Variants in KIAA1217 observed in about 807,000 individuals in gnomAD.
The protein encoded by KIAA1217 is sickle tail protein homolog.
KIAA1217 carries 88 observed loss-of-function variants against 163.9 expected under a neutral mutation model. The observed-to-expected ratio is 0.54, with a 90% confidence interval of 0.45 to 0.64. KIAA1217 has a LOEUF of 0.64. Among genes scored for constraint, KIAA1217 ranks in the 30% least tolerant of loss-of-function variants. The pLI is 0.00. For synonymous variants in KIAA1217, 903 were observed against 923.1 expected (o/e 0.98, Z 0.39); for missense variants, 2,372 against 2,475.0 (o/e 0.96, Z 0.88).
intron 2 of KIAA1217, among the ~76,000 whole-genome samples, chr10:24,273,852 CAA>C (rs768025622): frequency 1.0e-4 from 12 of 120,044 alleles, no homozygotes; most frequent in African/African-American, 9.3e-5. Flanking sequence ...GACTCTGTCT[CAA>C]AAAAAAAAAA....
At chr10:24,349,217 T>A (rs2048172470) in intron 2 of KIAA1217, among the ~76,000 whole-genome samples, 1 of 151,708 alleles carries the variant, frequency 6.6e-6, no homozygotes, top group Non-Finnish European at 1.5e-5. Flanking sequence ...AATGGATGCA[T>A]GATGTTAACT....
intron 2 of KIAA1217, among the ~76,000 whole-genome samples, chr10:24,295,733 C>T (rs1180578682): frequency 2.0e-5 from 3 of 152,114 alleles, no homozygotes; most frequent in Non-Finnish European, 4.4e-5. Context: ...GTCCCTCTGC[C>T]GGGCATCCTC....
intron 1 of KIAA1217, among the ~76,000 whole-genome samples, chr10:23,776,841 C>T (rs374621204): frequency 5.3e-5 from 8 of 151,840 alleles, no homozygotes; most frequent in East Asian, 3.9e-4. Flanking sequence ...CCACCACACC[C>T]GGCTAATTTT....
Position 24,393,592 on chromosome 10 carries a change from A to G in KIAA1217, c.553+12525A>G, listed in dbSNP as rs184723278. Reference sequence around the variant, plus strand: ...TTCATATGTTGAAGTCCTAACTCCTAATACTTCAGCATGTGGCTGTATTTG... The same window carrying G: ...TTCATATGTTGAAGTCCTAACTCCTGATACTTCAGCATGTGGCTGTATTTG... On this transcript the variant is annotated intron_variant, in intron 3 of 20. Transcript: ENST00000376454. Among the ~76,000 whole-genome samples, 852 of 152,330 alleles carry G rather than the reference A, an allele frequency of 5.6e-3. 5 individuals carry two copies. Among genetic ancestry groups the G allele is most frequent in the Non-Finnish European group, 8.6e-3 (584 of 68,022 alleles).
intron 2 of KIAA1217, among the ~76,000 whole-genome samples, chr10:24,049,430 T>C (rs1849322433): frequency 6.6e-6 from 1 of 152,192 alleles, no homozygotes; most frequent in Non-Finnish European, 1.5e-5. Context: ...TGTTATACTT[T>C]AAGTTCTGGG....
intron 2 of KIAA1217, among the ~76,000 whole-genome samples, chr10:24,087,246 A>G (rs2061730001): frequency 6.6e-6 from 1 of 152,186 alleles, no homozygotes; most frequent in Admixed American, 6.5e-5. Context: ...CCTAATGGCA[A>G]TTTTTTCACA....
At chr10:23,831,403 G>A (rs977382756) in intron 1 of KIAA1217, among the ~76,000 whole-genome samples, 5 of 151,940 alleles carry the variant, frequency 3.3e-5, no homozygotes, top group African/African-American at 9.7e-5. Flanking sequence ...AAAGGAGTTA[G>A]TATCCAAAAT....
chr10:24,038,051 CT>C (rs1554844913), intron 2 of KIAA1217, among the ~76,000 whole-genome samples: 1 of 152,128 alleles, frequency 6.6e-6, no homozygotes, highest in Non-Finnish European at 1.5e-5. Flanking sequence ...TTATTTCTGC[CT>C]TTTATTTTTG....
chr10:24,242,104 A>C (rs2073179406), intron 2 of KIAA1217, among the ~76,000 whole-genome samples: 1 of 152,090 alleles, frequency 6.6e-6, no homozygotes, highest in Non-Finnish European at 1.5e-5. Context: ...ATAAGGAGAA[A>C]AGCAAATATT....
intron 2 of KIAA1217, among the ~76,000 whole-genome samples, chr10:24,037,817 G>A (rs1848461270): frequency 6.6e-6 from 1 of 152,178 alleles, no homozygotes; most frequent in Non-Finnish European, 1.5e-5. Flanking sequence ...TCAAACTAAT[G>A]ATAAAAATAA....
chr10:24,004,761 G>A (rs886690663), intron 1 of KIAA1217, among the ~76,000 whole-genome samples: 4 of 152,158 alleles, frequency 2.6e-5, no homozygotes, highest in Non-Finnish European at 4.4e-5. Context: ...ATGCAGAAAG[G>A]GAAAAGAAGA....
intron 2 of KIAA1217, among the ~76,000 whole-genome samples, chr10:24,063,102 T>C (rs939253029): frequency 3.3e-5 from 5 of 152,146 alleles, no homozygotes; most frequent in African/African-American, 9.7e-5. Flanking sequence ...CTGTTCACTC[T>C]GATGGTGGTT....
chr10:24,416,206 T>C (rs189037903), intron 3 of KIAA1217, among the ~76,000 whole-genome samples: 1 of 152,308 alleles, frequency 6.6e-6, no homozygotes, highest in African/African-American at 2.4e-5. Flanking sequence ...GCGTAAATGG[T>C]AACAAAAGTT....
chr10:24,000,126 TATC>T (rs1485403976), intron 1 of KIAA1217, among the ~76,000 whole-genome samples: 1 of 152,184 alleles, frequency 6.6e-6, no homozygotes, highest in Non-Finnish European at 1.5e-5. Context: ...GTTCATATAT[TATC>T]ATAATTTCTA....
chr10:23,880,737 T>C (rs1490950756), intron 1 of KIAA1217, among the ~76,000 whole-genome samples: 2 of 151,952 alleles, frequency 1.3e-5, no homozygotes, highest in Non-Finnish European at 2.9e-5. Context: ...TCTTACCATG[T>C]ACCCCATAAA....
At chr10:23,808,766 T>A (rs1564439625) in intron 1 of KIAA1217, among the ~76,000 whole-genome samples, 1 of 151,974 alleles carries the variant, frequency 6.6e-6, no homozygotes, top group East Asian at 1.9e-4. Context: ...ATTTTCAAAG[T>A]GAAAATGGTG....
intron 8 of KIAA1217, among the ~76,000 whole-genome samples, chr10:24,500,163 C>T (rs1273098469): frequency 3.3e-5 from 5 of 149,822 alleles, no homozygotes; most frequent in African/African-American, 1.2e-4. Context: ...CAAAGCTTTA[C>T]AGGAAAGAGA....
At chr10:23,863,893 T>C (rs1840064173) in intron 1 of KIAA1217, among the ~76,000 whole-genome samples, 1 of 152,086 alleles carries the variant, frequency 6.6e-6, no homozygotes, top group Non-Finnish European at 1.5e-5. Flanking sequence ...GCTACTTAAC[T>C]CCTCTGCACA....
intron 1 of KIAA1217, among the ~76,000 whole-genome samples, chr10:23,851,843 C>A (rs1839351077): frequency 6.6e-6 from 1 of 151,712 alleles, no homozygotes; most frequent in South Asian, 2.1e-4. Flanking sequence ...GTCCTTCGCC[C>A]ACTTTTTGAT....
Sources: allele counts gnomAD v4.1 joint callset (sites outside exome capture counted in the v4.1 genomes callset), GRCh38; gene constraint gnomAD v4.1.1; transcripts MANE v1.5; gene names NCBI Gene and HGNC (gene_info 2026-07-23, HGNC 2026-07-21).